The following SNAP23 variants were observed in gnomAD, a reference collection of about 807,000 sequenced individuals.
SNAP23 encodes synaptosomal-associated protein 23.
In SNAP23, 11 loss-of-function variants were observed where a neutral mutation model predicts 29.0. The ratio of observed to expected loss-of-function variants is 0.38; its 90% CI spans 0.24 to 0.63. SNAP23 has a LOEUF of 0.63. Among genes scored for constraint, SNAP23 ranks in the 20% least tolerant of loss-of-function variants. The probability of loss-of-function intolerance (pLI) is 0.58; values close to 1 mark genes in which losing one functional copy is unlikely to be tolerated. For missense variants in SNAP23, 220 were observed against 253.9 expected (o/e 0.87, Z 0.91); for synonymous variants, 60 against 82.9 (o/e 0.72, Z 1.50).
chr15:42,528,524 T>A, intron 6 of SNAP23, 104 bp downstream of exon 6: 2 of 1,116,196 alleles, frequency 1.8e-6, no homozygotes, highest in Non-Finnish European at 2.6e-6. Context: ...ATAAAAATTG[T>A]ATTTATTCCA....
At position 42,532,417 on chromosome 15, in the gene SNAP23, T is replaced by G. The variant is rs190885244; in HGVS notation, c.*939T>G. ...CTTAAAGTGAGCTTAATTTCTGAAC[T>G]CTTAGTGATTCATATATGTACATAA... On this transcript the variant is annotated 3_prime_UTR_variant, in exon 8 of 8. Transcript: ENST00000249647. 36 of 152,330 alleles carry G rather than the reference T, an allele frequency of 2.4e-4. No individual in the cohort carries two copies. The highest frequency in any genetic ancestry group is 8.7e-4 in the African/African-American group (36 of 41,562). The allele number at this position is 152,330 out of a possible 1,614,324, so 9.4% of individuals were successfully genotyped here. A position where few individuals can be genotyped will look rare whatever the true frequency, so the allele number is the denominator to read the frequency against.
At chr15:42,521,782 G>A (rs1442028180) in intron 5 of SNAP23, 2 of 574,596 alleles carry the variant, frequency 3.5e-6, no homozygotes, top group African/African-American at 3.7e-5. Context: ...TAAACTGTGT[G>A]GTGGTGTGTA....
chr15:42,492,622 G>A (rs573303930), upstream of SNAP23: 1 of 137,950 alleles, frequency 7.2e-6, no homozygotes, highest in Non-Finnish European at 1.5e-5. Flanking sequence ...AGGTTGCAGT[G>A]AGCCGAGACC....
intron 5 of SNAP23, among the ~76,000 whole-genome samples, chr15:42,525,240 C>T (rs935096557): frequency 3.8e-4 from 57 of 151,296 alleles, no homozygotes; most frequent in Non-Finnish European, 8.8e-5. Context: ...TGGTGGCAGG[C>T]GCCTGTAGTC....
chr15:42,513,062 T>A (rs1244599601), intron 3 of SNAP23, 66 bp downstream of exon 3: 1 of 1,143,414 alleles, frequency 8.7e-7, no homozygotes, highest in Admixed American at 1.7e-5. Context: ...TACTTCTGGC[T>A]GGAATTAGTA....
chr15:42,502,316 G>A lies in SNAP23; in HGVS notation c.-15+6603G>A, dbSNP rs919345128. On this transcript the variant is annotated intron_variant, in intron 1 of 7. Transcript: ENST00000249647. ...TGGGATTACAGGCATGAGCCACTGC[G>A]CCCGGCAGAGTGCTTATATTCGCTG... is the stretch of plus-strand genomic sequence containing the variant. 1.2e-4 allele frequency among the ~76,000 whole-genome samples: 18 copies of A among 152,234 alleles called. 1 individual carries two copies. The highest frequency in any genetic ancestry group is 9.2e-4 in the Admixed American group (14 of 15,280).
chr15:42,499,788 A>G (rs2057253103), intron 1 of SNAP23, among the ~76,000 whole-genome samples: 1 of 152,170 alleles, frequency 6.6e-6, no homozygotes. Flanking sequence ...AAATTCTGTG[A>G]TCTCTATGAT....
chr15:42,525,818 A>G (rs999601228), intron 5 of SNAP23, among the ~76,000 whole-genome samples: 2 of 152,064 alleles, frequency 1.3e-5, no homozygotes, highest in African/African-American at 4.8e-5. Flanking sequence ...TTCTTTGTTT[A>G]TAGACTATGT....
chr15:42,521,367 A>G, intron 5 of SNAP23: 8 of 771,078 alleles, frequency 1.0e-5, no homozygotes, highest in Non-Finnish European at 1.3e-5. Context: ...ATTTTAGGAA[A>G]GAATATCATC....
chr15:42,525,023 T>C (rs2057485735), intron 5 of SNAP23, among the ~76,000 whole-genome samples: 1 of 152,088 alleles, frequency 6.6e-6, no homozygotes, highest in Non-Finnish European at 1.5e-5. Flanking sequence ...GTAGTTTTTT[T>C]CCCCATCCCA....
Position 42,515,469 on chromosome 15 carries a change from C to G in SNAP23, c.266+115C>G, listed in dbSNP as rs532372018. On this transcript the variant is annotated intron_variant, in intron 5 of 7. Coordinates refer to ENST00000249647, the MANE Select transcript of SNAP23 (RefSeq NM_003825.4). ...TAATGAGGAACTCTATTAGATAAATCTAAGTTGTCTCTCCTTCAGGCAGAT... is the reference window on the plus strand; with the variant it reads ...TAATGAGGAACTCTATTAGATAAATGTAAGTTGTCTCTCCTTCAGGCAGAT... 7.8e-6 allele frequency: 5 copies of G among 644,586 alleles called. No homozygotes were observed. In the Admixed American group the frequency reaches 8.2e-5, roughly 11 times the overall value. 39.9% of individuals were successfully genotyped at this position (644,586 alleles called of 1,614,324 possible). A position where few individuals can be genotyped will look rare whatever the true frequency, so the allele number is the denominator to read the frequency against.
rs144229772 is a variant in SNAP23 at position 42,524,312 on chromosome 15, T to C, written c.267-3950T>C. 5.3e-5 allele frequency among the ~76,000 whole-genome samples: 8 copies of C among 152,268 alleles called. 1 individual carries two copies. The highest frequency in any genetic ancestry group is 3.9e-4 in the East Asian group (2 of 5,188). ...ATTCCCAGGCTATACTCCATGTGTA[T>C]TGGAGTAGAATCTTCAGAGTGCAGC... On this transcript the variant is annotated intron_variant, in intron 5 of 7. Coordinates refer to ENST00000249647, the MANE Select transcript of SNAP23 (RefSeq NM_003825.4).
At chr15:42,496,074 A>G (rs2057216862) in intron 1 of SNAP23, 1 of 152,276 alleles carries the variant, frequency 6.6e-6, no homozygotes, top group Admixed American at 6.5e-5. Flanking sequence ...GGCTTGAGGA[A>G]GGACTCTGAG....
chr15:42,494,204 C>A (rs1239393424), upstream of SNAP23, among the ~76,000 whole-genome samples: 1 of 152,094 alleles, frequency 6.6e-6, no homozygotes, highest in East Asian at 1.9e-4. Flanking sequence ...CAAAAGCATT[C>A]TACAACTTGT....
At chr15:42,513,643 CA>C (rs931286056) in intron 4 of SNAP23, among the ~76,000 whole-genome samples, 196 bp downstream of exon 4, 1 of 152,062 alleles carries the variant, frequency 6.6e-6, no homozygotes, top group African/African-American at 2.4e-5. Flanking sequence ...CAACAATGCC[CA>C]ATTGTATATA....
At chr15:42,528,634 G>A (rs1160048924) in intron 6 of SNAP23, among the ~76,000 whole-genome samples, 1 of 152,148 alleles carries the variant, frequency 6.6e-6, no homozygotes, top group African/African-American at 2.4e-5. Flanking sequence ...TGCCCAGGCT[G>A]GAGTGCAGTG....
chr15:42,527,089 T>C (rs929269024), intron 5 of SNAP23, among the ~76,000 whole-genome samples: 1 of 152,108 alleles, frequency 6.6e-6, no homozygotes, highest in Non-Finnish European at 1.5e-5. Context: ...CCACCCACCT[T>C]GGCCTCCCAA....
At chr15:42,492,039 T>C (rs1024694817), upstream of SNAP23, among the ~76,000 whole-genome samples, 4 of 152,026 alleles carry the variant, frequency 2.6e-5, no homozygotes, top group African/African-American at 9.7e-5. Context: ...GCCTCCCAAG[T>C]AGCTGGAATT....
At chr15:42,520,668 G>A (rs1341143276) in intron 5 of SNAP23, among the ~76,000 whole-genome samples, 1 of 151,892 alleles carries the variant, frequency 6.6e-6, no homozygotes, top group Admixed American at 6.6e-5. Context: ...CTAATTTTTT[G>A]TATTTTTAGT....
Sources: gnomAD v4.1 joint callset for allele counts (sites outside exome capture counted in the v4.1 genomes callset) on GRCh38, gnomAD v4.1.1 for gene constraint, MANE v1.5 for transcripts, NCBI Gene and HGNC (gene_info 2026-07-23, HGNC 2026-07-21) for gene names.